Variants in CAB39 observed in about 807,000 individuals in gnomAD.
CAB39 encodes the protein calcium-binding protein 39.
CAB39 carries 8 observed loss-of-function variants against 40.0 expected under a neutral mutation model. That is an observed-to-expected ratio of 0.20 (90% CI 0.12 to 0.36). The LOEUF (loss-of-function observed/expected upper bound fraction) is 0.36. Ranked by LOEUF, CAB39 falls within the 10% of genes least tolerant of loss-of-function variation. The probability of loss-of-function intolerance (pLI) is 1.00; values close to 1 mark genes in which losing one functional copy is unlikely to be tolerated. For missense variants in CAB39, 270 were observed against 401.1 expected (o/e 0.67, Z 2.79); for synonymous variants, 156 against 141.6 (o/e 1.10, Z -0.72).
rs1249155659 is a variant in CAB39 at position 230,819,245 on chromosome 2, A to G, written c.*541A>G. On this transcript the variant is annotated 3_prime_UTR_variant, in exon 9 of 9. Coordinates refer to ENST00000258418, the MANE Select transcript of CAB39 (RefSeq NM_016289.4). ...GACATGCGAATAAATTGATACTGAA[A>G]CTTAGCAACTTCTTAAAAGTGTAAA... 3 of 152,576 alleles carry G rather than the reference A, an allele frequency of 2.0e-5. No individual in the cohort carries two copies. The highest frequency in any genetic ancestry group is 7.2e-5 in the African/African-American group (3 of 41,582). 9.5% of individuals were successfully genotyped at this position (152,576 alleles called of 1,614,324 possible). A position where few individuals can be genotyped will look rare whatever the true frequency, so the allele number is the denominator to read the frequency against.
chr2:230,783,721 C>T (rs1284113967), intron 2 of CAB39, among the ~76,000 whole-genome samples: 1 of 152,038 alleles, frequency 6.6e-6, no homozygotes, highest in Non-Finnish European at 1.5e-5. Flanking sequence ...AGGCTGGTCT[C>T]GAACTCCTGA....
chr2:230,745,913 C>T (rs952338345), intron 1 of CAB39, among the ~76,000 whole-genome samples: 2 of 151,966 alleles, frequency 1.3e-5, no homozygotes, highest in Non-Finnish European at 2.9e-5. Context: ...CATGAGCCAC[C>T]GCGCCTGGCC....
At chr2:230,802,972 A>G (rs547053888) in intron 5 of CAB39, among the ~76,000 whole-genome samples, 2 of 152,320 alleles carry the variant, frequency 1.3e-5, no homozygotes, top group East Asian at 3.9e-4. Context: ...CTTTAGACCA[A>G]TATCCCTGAT....
chr2:230,761,887 ATTTG>A (rs1553671523), intron 2 of CAB39, among the ~76,000 whole-genome samples: 1 of 117,688 alleles, frequency 8.5e-6, no homozygotes, highest in African/African-American at 3.4e-5. Context: ...TTTGTTTTTT[ATTTG>A]TTGTTGTTGT....
At chr2:230,771,006 A>G (rs879912212) in intron 2 of CAB39, among the ~76,000 whole-genome samples, 1 of 152,236 alleles carries the variant, frequency 6.6e-6, no homozygotes, top group East Asian at 1.9e-4. Flanking sequence ...TACTTTCACC[A>G]CAACTATTCA....
At chr2:230,722,357 A>C (rs868074446) in intron 1 of CAB39, among the ~76,000 whole-genome samples, 1 of 152,154 alleles carries the variant, frequency 6.6e-6, no homozygotes, top group Non-Finnish European at 1.5e-5. Context: ...GGGTCTCACT[A>C]TATTGCCCAG....
Position 230,773,298 on chromosome 2 carries a change from GTATA to G in CAB39, c.114+13197_114+13200del, listed in dbSNP as rs555144903. Reference sequence around the variant, plus strand: ...TCTTGATGGTTTCATGGGTGTATGTGTATATATATATATATATGTGTGTGTGTGT... The same window carrying G: ...TCTTGATGGTTTCATGGGTGTATGTGTATATATATATATGTGTGTGTGTGT... On this transcript the variant is annotated intron_variant, in intron 2 of 8. Transcript: ENST00000258418. 5.3e-3 allele frequency among the ~76,000 whole-genome samples: 676 copies of G among 127,852 alleles called. 5 individuals are homozygous for G. The highest frequency in any genetic ancestry group is 0.02 in the African/African-American group (612 of 30,564). The allele number at this position is 127,852 out of a possible 152,430, so 83.9% of individuals were successfully genotyped here. A position where few individuals can be genotyped will look rare whatever the true frequency, so the allele number is the denominator to read the frequency against.
At chr2:230,818,003 T>G (rs1424912008) in intron 8 of CAB39, 106 bp downstream of exon 8, 2 of 1,007,504 alleles carry the variant, frequency 2.0e-6, no homozygotes, top group Non-Finnish European at 1.5e-6. Flanking sequence ...CCAGGTGACT[T>G]AATTAAATTC....
intron 1 of CAB39, chr2:230,725,514 A>C (rs1559588944): frequency 1.0e-6 from 1 of 983,108 alleles, no homozygotes; most frequent in Admixed American, 2.1e-5. Flanking sequence ...TTTAATATCA[A>C]ATTTTGTCCT....
intron 5 of CAB39, among the ~76,000 whole-genome samples, chr2:230,808,143 G>T (rs1696236520): frequency 6.6e-6 from 1 of 151,104 alleles, no homozygotes; most frequent in African/African-American, 2.4e-5. Context: ...CTGGAGTGCA[G>T]TGGTGCGATT....
chr2:230,795,638 G>A (rs1470273955), intron 4 of CAB39, among the ~76,000 whole-genome samples: 5 of 152,126 alleles, frequency 3.3e-5, no homozygotes, highest in Non-Finnish European at 7.4e-5. Flanking sequence ...TCCTCAGTCT[G>A]TAATCTGTCC....
At chr2:230,788,826 ATTCT>A (rs1191908891) in intron 2 of CAB39, among the ~76,000 whole-genome samples, 1 of 152,160 alleles carries the variant, frequency 6.6e-6, no homozygotes, top group African/African-American at 2.4e-5. Context: ...TACTTTTAAG[ATTCT>A]TTATCACTGA....
intron 1 of CAB39, among the ~76,000 whole-genome samples, chr2:230,723,270 C>G (rs1400214292): frequency 6.6e-6 from 1 of 151,636 alleles, no homozygotes; most frequent in Non-Finnish European, 1.5e-5. Flanking sequence ...AGAAAAGGGA[C>G]ATTTACAGGG....
chr2:230,749,806 A>G (rs1695054600), intron 1 of CAB39, among the ~76,000 whole-genome samples: 1 of 152,212 alleles, frequency 6.6e-6, no homozygotes, highest in African/African-American at 2.4e-5. Flanking sequence ...ATGAGGATAC[A>G]CTCGTAGAAG....
At chr2:230,768,637 A>G (rs369344072) in intron 2 of CAB39, among the ~76,000 whole-genome samples, 6 of 152,330 alleles carry the variant, frequency 3.9e-5, no homozygotes, top group African/African-American at 9.6e-5. Context: ...AGCACATTCT[A>G]TGGGTGACTA....
At chr2:230,774,260 T>G (rs1483638872) in intron 2 of CAB39, among the ~76,000 whole-genome samples, 1 of 152,240 alleles carries the variant, frequency 6.6e-6, no homozygotes, top group Admixed American at 6.5e-5. Flanking sequence ...ATGATAAATA[T>G]AACATTTGAG....
chr2:230,819,526 A>G lies in CAB39; in HGVS notation c.*822A>G, dbSNP rs1222265092. The G allele has an allele frequency of 6.5e-6, 1 of 152,688 alleles. No homozygotes were observed. The highest frequency in any genetic ancestry group is 2.4e-5 in the African/African-American group (1 of 41,468). 9.5% of individuals were successfully genotyped at this position (152,688 alleles called of 1,614,324 possible). ...TTTTAAATGGTTTAATTTGTACAGC[A>G]GAGGAATGTTATTGTAGTAGTATGT... On this transcript the variant is annotated 3_prime_UTR_variant, in exon 9 of 9. Coordinates refer to ENST00000258418, the MANE Select transcript of CAB39 (RefSeq NM_016289.4).
chr2:230,725,117 G>A, intron 1 of CAB39: 2 of 1,611,938 alleles, frequency 1.2e-6, no homozygotes, highest in South Asian at 2.2e-5. Context: ...GTTGAGGGCT[G>A]GGGATTGAGA....
At chr2:230,806,206 T>C (rs56921955) in intron 5 of CAB39, among the ~76,000 whole-genome samples, 24 of 152,298 alleles carry the variant, frequency 1.6e-4, no homozygotes, top group African/African-American at 5.8e-4. Flanking sequence ...TTACTGACTT[T>C]ACAGATGAGG....
Sources: gnomAD v4.1 joint callset for allele counts (sites outside exome capture counted in the v4.1 genomes callset) on GRCh38, gnomAD v4.1.1 for gene constraint, MANE v1.5 for transcripts, NCBI Gene and HGNC (gene_info 2026-07-23, HGNC 2026-07-21) for gene names.